Variants in GRB2 observed in about 807,000 individuals in gnomAD.
The protein encoded by GRB2 is growth factor receptor bound protein 2.
A neutral mutation model predicts 27.4 loss-of-function variants in GRB2; 2 were observed. The observed-to-expected ratio is 0.07, with a 90% CI of 0.03 to 0.23. The LOEUF (loss-of-function observed/expected upper bound fraction) is 0.23, where lower values mean the gene tolerates loss of function less well. Ranked by LOEUF, GRB2 falls within the 10% of genes least tolerant of loss-of-function variation. The pLI is 1.00. For missense variants in GRB2, 102 were observed against 282.4 expected (o/e 0.36, Z 4.58); for synonymous variants, 94 against 99.6 (o/e 0.94, Z 0.33).
intron 3 of GRB2, among the ~76,000 whole-genome samples, chr17:75,332,109 G>A (rs2078545233): frequency 6.6e-6 from 1 of 152,198 alleles, no homozygotes; most frequent in African/African-American, 2.4e-5. Flanking sequence ...ACAGTGGTCT[G>A]CAGGGGCTCT....
At chr17:75,400,328 C>T (rs1238963961) in intron 1 of GRB2, among the ~76,000 whole-genome samples, 1 of 152,186 alleles carries the variant, frequency 6.6e-6, no homozygotes, top group Non-Finnish European at 1.5e-5. Flanking sequence ...CGTGCACCAC[C>T]ATGCCTGGCT....
chr17:75,376,829 C>T (rs896913690), intron 2 of GRB2, among the ~76,000 whole-genome samples: 3 of 151,874 alleles, frequency 2.0e-5, no homozygotes, highest in Admixed American at 1.3e-4. Flanking sequence ...TAATGAGACT[C>T]CATCCCTACA....
intron 3 of GRB2, chr17:75,326,305 A>G: frequency 2.4e-6 from 1 of 416,788 alleles, no homozygotes. Flanking sequence ...CCCCAGGCCA[A>G]AGCCCACTGG....
At chr17:75,368,473 C>T (rs922401387) in intron 2 of GRB2, among the ~76,000 whole-genome samples, 1 of 151,692 alleles carries the variant, frequency 6.6e-6, no homozygotes, top group African/African-American at 2.4e-5. Context: ...ATCCATCCGC[C>T]TCAGCCTCCA....
At chr17:75,353,329 T>C (rs1209375636) in intron 2 of GRB2, among the ~76,000 whole-genome samples, 1 of 152,152 alleles carries the variant, frequency 6.6e-6, no homozygotes, top group Admixed American at 6.6e-5. Flanking sequence ...GAATACTGTC[T>C]TTTTGACACA....
rs573615235 is a variant in GRB2 at position 75,388,594 on chromosome 17, A to G, written c.78+4957T>C. Among the ~76,000 whole-genome samples the G allele has an allele frequency of 1.0e-3, 146 of 139,894 alleles. 3 individuals are homozygous for G. The South Asian group carries it at 0.019, about 19-fold the overall frequency. 91.8% of individuals were successfully genotyped at this position (139,894 alleles called of 152,430 possible). On this transcript the variant is annotated intron_variant, in intron 2 of 5. Coordinates refer to ENST00000316804, the MANE Select transcript of GRB2 (RefSeq NM_002086.5). ...GGACTTTAAAATAGTGGGGGGGGGG[A>G]AGAAAAACACTTTTTTTTTTTTTTA...
At chr17:75,351,228 A>G (rs1362560353) in intron 2 of GRB2, among the ~76,000 whole-genome samples, 2 of 152,264 alleles carry the variant, frequency 1.3e-5, no homozygotes, top group East Asian at 3.9e-4. Context: ...TAAGAATCTA[A>G]GTTTATCCCT....
rs35602764 is a variant in GRB2, at chr17:75,350,235, G to GAAAAA, written c.79-17443_79-17439dup. ...TATAGCAAGATCTCATCTCTGAGGG[G>GAAAAA]AAAAAAAAAAAAAAAAAGACTGAGT... On this transcript the variant is annotated intron_variant, in intron 2 of 5. Transcript: ENST00000316804. Among the ~76,000 whole-genome samples the GAAAAA allele has an allele frequency of 6.9e-5, 9 of 130,962 alleles. 1 individual carries two copies. The highest frequency in any genetic ancestry group is 2.2e-4 in the East Asian group (1 of 4,456). 85.9% of individuals were successfully genotyped at this position (130,962 alleles called of 152,430 possible). A position where few individuals can be genotyped will look rare whatever the true frequency, so the allele number is the denominator to read the frequency against.
At chr17:75,330,589 G>T (rs999146810) in intron 3 of GRB2, among the ~76,000 whole-genome samples, 6 of 151,780 alleles carry the variant, frequency 4.0e-5, no homozygotes, top group Non-Finnish European at 7.4e-5. Context: ...CACAAGAATC[G>T]CTTGAACCCA....
At chr17:75,383,574 T>TG (rs1161251610) in intron 2 of GRB2, among the ~76,000 whole-genome samples, 2 of 152,138 alleles carry the variant, frequency 1.3e-5, no homozygotes, top group Non-Finnish European at 2.9e-5. Context: ...GCTGGGCGGG[T>TG]GGCTCACGCC....
chr17:75,386,004 T>A (rs1350867846), intron 2 of GRB2, among the ~76,000 whole-genome samples: 1 of 152,206 alleles, frequency 6.6e-6, no homozygotes, highest in Non-Finnish European at 1.5e-5. Context: ...CTAAAATGCA[T>A]CTTACAATTG....
At chr17:75,380,320 C>A (rs2078919965) in intron 2 of GRB2, among the ~76,000 whole-genome samples, 1 of 146,386 alleles carries the variant, frequency 6.8e-6, no homozygotes, top group South Asian at 2.2e-4. Flanking sequence ...ACTGCTTTTT[C>A]TGATTACAAA....
chr17:75,341,460 A>AC (rs1196449226), intron 2 of GRB2, among the ~76,000 whole-genome samples: 1 of 151,156 alleles, frequency 6.6e-6, no homozygotes, highest in African/African-American at 2.4e-5. Context: ...AAAAAAAAAA[A>AC]AAAAAAAAAC....
At chr17:75,324,206 TG>T (rs2078480085) in intron 4 of GRB2, among the ~76,000 whole-genome samples, 1 of 151,520 alleles carries the variant, frequency 6.6e-6, no homozygotes, top group Non-Finnish European at 1.5e-5. Flanking sequence ...TCAGTTTGTT[TG>T]TTTGTTTTGG....
chr17:75,383,802 A>G (rs2078945141), intron 2 of GRB2, among the ~76,000 whole-genome samples: 1 of 152,280 alleles, frequency 6.6e-6, no homozygotes, highest in Non-Finnish European at 1.5e-5. Flanking sequence ...AGACAGCACC[A>G]CTACACTACA....
intron 2 of GRB2, among the ~76,000 whole-genome samples, chr17:75,333,447 T>C (rs1197655857): frequency 6.6e-6 from 1 of 151,972 alleles, no homozygotes; most frequent in Non-Finnish European, 1.5e-5. Context: ...GGCAAACACA[T>C]AGGAGAATAA....
At chr17:75,338,404 G>A (rs762003221) in intron 2 of GRB2, among the ~76,000 whole-genome samples, 6 of 152,158 alleles carry the variant, frequency 3.9e-5, no homozygotes, top group Non-Finnish European at 8.8e-5. Context: ...TCCTGAGCAT[G>A]AGCAAGCTGC....
intron 2 of GRB2, among the ~76,000 whole-genome samples, chr17:75,355,996 A>G (rs969123246): frequency 1.3e-5 from 2 of 151,426 alleles, no homozygotes; most frequent in Non-Finnish European, 2.9e-5. Context: ...ATGCCCGGCT[A>G]ATTTTTTTTT....
chr17:75,389,598 G>C (rs550340795), intron 2 of GRB2, among the ~76,000 whole-genome samples: 1 of 152,146 alleles, frequency 6.6e-6, no homozygotes, highest in Non-Finnish European at 1.5e-5. Context: ...TGTAATCCCA[G>C]CACTTTGGGA....
Sources: allele counts gnomAD v4.1 joint callset (sites outside exome capture counted in the v4.1 genomes callset), GRCh38; gene constraint gnomAD v4.1.1; transcripts MANE v1.5; gene names NCBI Gene and HGNC (gene_info 2026-07-23, HGNC 2026-07-21).